The following CDH8 variants were observed in gnomAD, a reference collection of about 807,000 sequenced individuals.
CDH8 encodes the protein cadherin 8.
CDH8 carries 17 observed loss-of-function variants against 68.1 expected under a neutral mutation model. The ratio of observed to expected loss-of-function variants is 0.25; its 90% confidence interval spans 0.17 to 0.37. CDH8 has a LOEUF of 0.37. Among genes scored for constraint, CDH8 ranks in the 10% least tolerant of loss-of-function variants. CDH8 has a pLI of 1.00. For missense variants in CDH8, 763 were observed against 999.3 expected, an observed-to-expected ratio of 0.76 and a Z score of 3.19; for synonymous variants, 372 against 365.1, an observed-to-expected ratio of 1.02 and a Z score of -0.21.
At chr16:61,753,688 A>C (rs951017709) in intron 8 of CDH8, among the ~76,000 whole-genome samples, 1 of 152,160 alleles carries the variant, frequency 6.6e-6, no homozygotes. Context: ...TAGATTTCAT[A>C]AGATAGTTTG....
At chr16:61,928,984 C>T (rs554725845) in intron 2 of CDH8, among the ~76,000 whole-genome samples, 95 of 152,280 alleles carry the variant, frequency 6.2e-4, no homozygotes, top group Non-Finnish European at 8.4e-4. Context: ...TCTCGGCTCA[C>T]GGCAAACTCT....
chr16:61,650,042 A>G lies in CDH8; in HGVS notation c.*3566T>C, dbSNP rs1463346194. 1 of 152,092 alleles carries G rather than the reference A, an allele frequency of 6.6e-6. No individual in the cohort carries two copies. The highest frequency in any genetic ancestry group is 1.5e-5 in the Non-Finnish European group (1 of 68,012). 9.4% of individuals were successfully genotyped at this position (152,092 alleles called of 1,614,324 possible). The stretch of plus-strand genomic sequence containing the variant: ...TATATATACACATACACTTAACTGC[A>G]GATTTTTTTCAAAACAGTTTCACTT... On this transcript the variant is annotated 3_prime_UTR_variant, in exon 12 of 12. Transcript: ENST00000577390.
chr16:61,654,206 A>C, intron 11 of CDH8, 105 bp from the exon 12 acceptor site: 1 of 885,912 alleles, frequency 1.1e-6, no homozygotes. Context: ...AAATTGTATG[A>C]GCATACACCT....
chr16:61,727,439 TGATA>T (rs1157164638), intron 8 of CDH8, among the ~76,000 whole-genome samples: 1 of 151,134 alleles, frequency 6.6e-6, no homozygotes, highest in Non-Finnish European at 1.5e-5. Flanking sequence ...GAGTTTAGCT[TGATA>T]AAGACCATTT....
chr16:61,670,944 C>T (rs1275974382), intron 10 of CDH8, among the ~76,000 whole-genome samples: 5 of 152,082 alleles, frequency 3.3e-5, no homozygotes, highest in African/African-American at 1.2e-4. Context: ...CTGATATTTT[C>T]CACTTAATAT....
At chr16:61,739,113 G>A (rs189234006) in intron 8 of CDH8, among the ~76,000 whole-genome samples, 111 of 152,108 alleles carry the variant, frequency 7.3e-4, no homozygotes, top group Non-Finnish European at 8.4e-4. Context: ...TGCATTATAT[G>A]TCAATTACTA....
intron 10 of CDH8, among the ~76,000 whole-genome samples, chr16:61,661,594 C>T (rs1963558291): frequency 6.6e-6 from 1 of 151,552 alleles, no homozygotes; most frequent in South Asian, 2.1e-4. Flanking sequence ...CTAAGTGAGT[C>T]CTTAGAGGGA....
intron 2 of CDH8, among the ~76,000 whole-genome samples, chr16:61,944,384 T>C (rs1964769541): frequency 6.6e-6 from 1 of 152,144 alleles, no homozygotes. Context: ...AAAATATACC[T>C]CTAAGGGTTC....
intron 4 of CDH8, among the ~76,000 whole-genome samples, chr16:61,839,612 G>C (rs1962641808): frequency 6.6e-6 from 1 of 152,064 alleles, no homozygotes; most frequent in South Asian, 2.1e-4. Context: ...ACTTAACCCT[G>C]ATCTCTTAGC....
At chr16:61,728,385 T>C (rs959666821) in intron 8 of CDH8, among the ~76,000 whole-genome samples, 3 of 151,010 alleles carry the variant, frequency 2.0e-5, no homozygotes, top group Non-Finnish European at 3.0e-5. Flanking sequence ...GTGCCATGAC[T>C]ACTCTCCAAT....
intron 9 of CDH8, among the ~76,000 whole-genome samples, chr16:61,719,687 G>T (rs556157287): frequency 6.6e-6 from 1 of 150,790 alleles, no homozygotes; most frequent in African/African-American, 2.4e-5. Flanking sequence ...TGCTTTGTGG[G>T]AATATCTCCT....
rs1028254279 is a variant in CDH8 at position 61,650,881 on chromosome 16, C to T, written c.*2727G>A. On this transcript the variant is annotated 3_prime_UTR_variant, in exon 12 of 12. Transcript: ENST00000577390. ...TAGGCTTTTAAACACAAAATGCTGACACTGTGGTGGCAAAGAAAGTCAGCA... is the reference window on the plus strand; with the variant it reads ...TAGGCTTTTAAACACAAAATGCTGATACTGTGGTGGCAAAGAAAGTCAGCA... The T allele has an allele frequency of 1.8e-4, 28 of 151,990 alleles. No homozygotes were observed. The highest frequency in any genetic ancestry group is 6.8e-4 in the African/African-American group (28 of 41,384). The allele number at this position is 151,990 out of a possible 1,614,324, so 9.4% of individuals were successfully genotyped here.
At chr16:61,893,400 A>G (rs1233872827) in intron 3 of CDH8, among the ~76,000 whole-genome samples, 1 of 147,642 alleles carries the variant, frequency 6.8e-6, no homozygotes, top group East Asian at 2.0e-4. Flanking sequence ...GTACAGGTAG[A>G]TGTGTGTGTG....
In CDH8 at chr16:61,945,723, C is replaced by T. The variant is rs1027020051; in HGVS notation, c.253-44250G>A. 2.6e-5 allele frequency among the ~76,000 whole-genome samples: 4 copies of T among 152,108 alleles called. No individual in the cohort carries two copies. The East Asian group carries it at 7.8e-4, about 30-fold the overall frequency. On this transcript the variant is annotated intron_variant, in intron 2 of 11. Coordinates refer to ENST00000577390, the MANE Select transcript of CDH8 (RefSeq NM_001796.5). ...TTCAAGGAAAATAGCTATTTCAAGA[C>T]ACTGAGGAGAAATTAGAAACGACCA... is the stretch of plus-strand genomic sequence containing the variant.
intron 10 of CDH8, among the ~76,000 whole-genome samples, chr16:61,683,597 T>G (rs1964051351): frequency 6.6e-6 from 1 of 152,116 alleles, no homozygotes; most frequent in East Asian, 1.9e-4. Context: ...TCTTTAAAAG[T>G]ATTAAAGGAC....
At chr16:61,921,129 AG>A (rs1204970050) in intron 2 of CDH8, among the ~76,000 whole-genome samples, 6 of 145,994 alleles carry the variant, frequency 4.1e-5, no homozygotes. Flanking sequence ...GGGGAGGGAT[AG>A]CATTGGGAGA....
At chr16:61,910,279 G>C (rs1964137749) in intron 2 of CDH8, among the ~76,000 whole-genome samples, 1 of 149,124 alleles carries the variant, frequency 6.7e-6, no homozygotes, top group Non-Finnish European at 1.5e-5. Context: ...TATATTCTTA[G>C]AATTTCTCTT....
At chr16:61,991,329 T>A (rs1021780417) in intron 2 of CDH8, among the ~76,000 whole-genome samples, 1 of 152,202 alleles carries the variant, frequency 6.6e-6, no homozygotes, top group Non-Finnish European at 1.5e-5. Context: ...CAGATTTTCC[T>A]TTTTGTGAAC....
intron 8 of CDH8, among the ~76,000 whole-genome samples, chr16:61,752,585 A>C (rs1960196333): frequency 6.6e-6 from 1 of 152,172 alleles, no homozygotes; most frequent in Admixed American, 6.5e-5. Context: ...GAATATCTGC[A>C]AGCATTCTGT....
Sources: gnomAD v4.1 joint callset for allele counts (sites outside exome capture counted in the v4.1 genomes callset) on GRCh38, gnomAD v4.1.1 for gene constraint, MANE v1.5 for transcripts, NCBI Gene and HGNC (gene_info 2026-07-23, HGNC 2026-07-21) for gene names.